WDR33: variants seen among roughly 807,000 people sequenced by gnomAD.
The protein encoded by WDR33 is pre-mRNA 3' end processing protein WDR33.
A neutral mutation model predicts 164.9 loss-of-function variants in WDR33; 47 were observed. That is an observed-to-expected ratio of 0.29 (90% CI 0.23 to 0.36). The LOEUF (loss-of-function observed/expected upper bound fraction) is 0.36. Among genes scored for constraint, WDR33 ranks in the 10% least tolerant of loss-of-function variants. The probability of loss-of-function intolerance (pLI) is 1.00; values close to 1 mark genes in which losing one functional copy is unlikely to be tolerated. For missense variants in WDR33, 1,137 were observed against 1,754.1 expected, an observed-to-expected ratio of 0.65 and a Z score of 6.28; for synonymous variants, 505 against 589.0, an observed-to-expected ratio of 0.86 and a Z score of 2.06.
At chr2:127,805,061 G>GTTTT (rs1363407602) in intron 1 of WDR33, among the ~76,000 whole-genome samples, 2 of 108,452 alleles carry the variant, frequency 1.8e-5, no homozygotes, top group African/African-American at 3.8e-5. Context: ...CACCTGTGAA[G>GTTTT]TTTTTTCTTT....
In WDR33 at chr2:127,702,098, G is replaced by C; in HGVS notation, c.*4225C>G. The C allele has an allele frequency of 1.1e-5, 13 of 1,217,226 alleles. No homozygotes were observed. Among genetic ancestry groups the C allele is most frequent in the Non-Finnish European group, 1.3e-5 (13 of 981,080 alleles). 75.4% of individuals were successfully genotyped at this position (1,217,226 alleles called of 1,614,324 possible). ...CCGCGCTGGTTGGGCTGCTGCCCTG[G>C]GGCGGCGGCACCGCGCTGCGCCTCG... On this transcript the variant is annotated 3_prime_UTR_variant, in exon 22 of 22. Coordinates refer to ENST00000322313, the MANE Select transcript of WDR33 (RefSeq NM_018383.5).
At position 127,710,714 on chromosome 2, in the gene WDR33, C is replaced by T. The variant is rs951169017; in HGVS notation, c.3309-858G>A. 1.3e-5 allele frequency among the ~76,000 whole-genome samples: 2 copies of T among 152,138 alleles called. No homozygotes were observed. The highest frequency in any genetic ancestry group is 2.4e-5 in the African/African-American group (1 of 41,414). ...CCTTCTGGCAGCGCTCACTGAGAGG[C>T]GGTGGCGCCACCCTGCAGGGCCCCT... is the stretch of plus-strand genomic sequence containing the variant. On this transcript the variant is annotated intron_variant, in intron 18 of 21. Coordinates refer to ENST00000322313, the MANE Select transcript of WDR33 (RefSeq NM_018383.5). The surrounding 1 kb of genome is among the most constrained non-coding windows in gnomAD (Gnocchi z 4.4).
chr2:127,707,791 C>T (rs1439005048), intron 21 of WDR33, among the ~76,000 whole-genome samples: 1 of 152,150 alleles, frequency 6.6e-6, no homozygotes, highest in Non-Finnish European at 1.5e-5. Context: ...ATGGCAAAAG[C>T]CCATCTCTCT....
chr2:127,735,762 A>G lies in WDR33; in HGVS notation c.725-8985T>C. The G allele has an allele frequency of 1.0e-6, 1 of 985,486 alleles. No homozygotes were observed. The allele number at this position is 985,486 out of a possible 1,614,324, so 61.0% of individuals were successfully genotyped here. Reference sequence around the variant, plus strand: ...AAGATTTTAAAAAATTAAGAAGCATAAGTAATCTGTGCTCTGGTCAAGGAA... The same window carrying G: ...AAGATTTTAAAAAATTAAGAAGCATGAGTAATCTGTGCTCTGGTCAAGGAA... On this transcript the variant is annotated intron_variant, in intron 7 of 21. Coordinates refer to ENST00000322313, the MANE Select transcript of WDR33 (RefSeq NM_018383.5). The surrounding 1 kb of genome is among the most constrained non-coding windows in gnomAD (Gnocchi z 4.3).
Position 127,763,290 on chromosome 2 carries a change from C to G in WDR33, c.627-131G>C, listed in dbSNP as rs951163111. 2.0e-6 allele frequency: 3 copies of G among 1,486,322 alleles called. No individual in the cohort carries two copies. Among genetic ancestry groups the G allele is most frequent in the Non-Finnish European group, 2.7e-6 (3 of 1,118,270 alleles). 92.1% of individuals were successfully genotyped at this position (1,486,322 alleles called of 1,614,324 possible). On this transcript the variant is annotated intron_variant, in intron 6 of 21. Transcript: ENST00000322313. The surrounding 1 kb of genome is among the most constrained non-coding windows in gnomAD (Gnocchi z 4.5). ...GAGAGGGAAGAATCCAGTGAAGAAG[C>G]CCTTAAAGTGAATGTCGTCAGCTAA...
chr2:127,750,694 AT>A (rs1687316857), intron 7 of WDR33, among the ~76,000 whole-genome samples: 2 of 59,574 alleles, frequency 3.4e-5, no homozygotes, highest in African/African-American at 1.8e-4. Flanking sequence ...ATATATATAT[AT>A]ATATATATAT....
Position 127,706,185 on chromosome 2 carries a change from G to A in WDR33, c.*138C>T. ...GTCTCTTCATCTTGAAGACCTCATT[G>A]AGGGTTCCTGGGATTCAGGTGCCCA... On this transcript the variant is annotated 3_prime_UTR_variant, in exon 22 of 22. Coordinates refer to ENST00000322313, the MANE Select transcript of WDR33 (RefSeq NM_018383.5). This position sits in a 1 kb window ranked among gnomAD's most constrained non-coding sequence, Gnocchi z 5.1. 1.3e-6 allele frequency: 1 copy of A among 757,774 alleles called. No homozygotes were observed. Among genetic ancestry groups the A allele is most frequent in the Non-Finnish European group, 2.0e-6 (1 of 510,694 alleles). 46.9% of individuals were successfully genotyped at this position (757,774 alleles called of 1,614,324 possible). A position where few individuals can be genotyped will look rare whatever the true frequency, so the allele number is the denominator to read the frequency against.
In WDR33 at chr2:127,701,982, G is replaced by T. The variant is rs1286274391; in HGVS notation, c.*4341C>A. ...CCGGCCCGCGCTGCTCTACATGGCAGCGCTGGGCGCCACGCTGTTCGCCGC... is the reference window on the plus strand; with the variant it reads ...CCGGCCCGCGCTGCTCTACATGGCATCGCTGGGCGCCACGCTGTTCGCCGC... On this transcript the variant is annotated 3_prime_UTR_variant, in exon 22 of 22. Transcript: ENST00000322313. 60 of 1,358,538 alleles carry T rather than the reference G, an allele frequency of 4.4e-5. No individual in the cohort carries two copies. The highest frequency in any genetic ancestry group is 5.6e-5 in the Non-Finnish European group (59 of 1,059,706). 84.2% of individuals were successfully genotyped at this position (1,358,538 alleles called of 1,614,324 possible).
chr2:127,730,234 A>G (rs1363572185), intron 7 of WDR33, among the ~76,000 whole-genome samples: 2 of 152,268 alleles, frequency 1.3e-5, no homozygotes, highest in African/African-American at 4.8e-5. Context: ...GGCAGCATAT[A>G]TCATTAAAAG....
intron 1 of WDR33, among the ~76,000 whole-genome samples, chr2:127,781,665 A>G (rs1203042345): frequency 6.6e-6 from 1 of 152,148 alleles, no homozygotes; most frequent in Non-Finnish European, 1.5e-5. Context: ...TTTCTACCTT[A>G]AAAGTTAACA....
intron 7 of WDR33, among the ~76,000 whole-genome samples, chr2:127,730,752 G>C (rs1316224530): frequency 2.0e-5 from 3 of 152,138 alleles, no homozygotes; most frequent in Admixed American, 1.3e-4. Context: ...TTACCAAAAT[G>C]CAGATACGGA....
Position 127,723,299 on chromosome 2 carries a change from A to G in WDR33, c.1245T>C (p.Tyr415=), listed in dbSNP as rs747508580. ...ACATTCCAGGTAAAAGGTTTAGATT[A>G]TATCGATCTCGCATTTTATCACCTG... ...NRPGDKMRDR[Y]NLNLLPGMSE... The change falls in exon 12 of 22, where the codon TAT becomes TAC. Residue 415 remains tyrosine (Y), a synonymous_variant. Transcript: ENST00000322313. This position sits in a 1 kb window ranked among gnomAD's most constrained non-coding sequence, Gnocchi z 5.9. 8 of 1,614,108 alleles carry G rather than the reference A, an allele frequency of 5.0e-6. No individual in the cohort carries two copies. Among genetic ancestry groups the G allele is most frequent in the South Asian group, 2.2e-5 (2 of 91,086 alleles).
At position 127,722,779 on chromosome 2, in the gene WDR33, CCACTTGAT is replaced by C; in HGVS notation, c.1379-57_1379-50del. On this transcript the variant is annotated intron_variant, in intron 13 of 21. Coordinates refer to ENST00000322313, the MANE Select transcript of WDR33 (RefSeq NM_018383.5). This position sits in a 1 kb window ranked among gnomAD's most constrained non-coding sequence, Gnocchi z 5.1. The stretch of plus-strand genomic sequence containing the variant: ...TTGCCTCTTAAATAAAAGAAATTGG[CCACTTGAT>C]CAATGAACACATTATTGGAAGAATA... 6.3e-7 allele frequency: 1 copy of C among 1,588,612 alleles called. No homozygotes were observed. Among genetic ancestry groups the C allele is most frequent in the Non-Finnish European group, 8.6e-7 (1 of 1,166,304 alleles).
rs1686571547 is a variant in WDR33 at position 127,726,291 on chromosome 2, A to G, written c.851+360T>C. ...TCTCGAAACAGATGTTGTGAGATGG[A>G]GAAGGCTGGGCCGTGTCTAGTAAGG... On this transcript the variant is annotated intron_variant, in intron 8 of 21. Transcript: ENST00000322313. This position sits in a 1 kb window ranked among gnomAD's most constrained non-coding sequence, Gnocchi z 4.8. 6.6e-6 allele frequency among the ~76,000 whole-genome samples: 1 copy of G among 152,216 alleles called. No individual in the cohort carries two copies. The highest frequency in any genetic ancestry group is 2.1e-4 in the South Asian group (1 of 4,830).
At position 127,741,923 on chromosome 2, in the gene WDR33, G is replaced by A. The variant is rs1687027736; in HGVS notation, c.725-15146C>T. Among the ~76,000 whole-genome samples, 2 of 152,174 alleles carry A rather than the reference G, an allele frequency of 1.3e-5. No homozygotes were observed. Among genetic ancestry groups the A allele is most frequent in the South Asian group, 4.1e-4 (2 of 4,828 alleles). On this transcript the variant is annotated intron_variant, in intron 7 of 21. Transcript: ENST00000322313. The surrounding 1 kb of genome is among the most constrained non-coding windows in gnomAD (Gnocchi z 4.1). ...TTGATAAAAATAACACTTTCCGGCTGGGCACGGTGGCTCACACCTGTAATC... is the reference window on the plus strand; with the variant it reads ...TTGATAAAAATAACACTTTCCGGCTAGGCACGGTGGCTCACACCTGTAATC...
In WDR33 at chr2:127,701,780, G is replaced by A; in HGVS notation, c.*4543C>T. The A allele has an allele frequency of 7.0e-7, 1 of 1,435,928 alleles. No homozygotes were observed. The highest frequency in any genetic ancestry group is 9.1e-7 in the Non-Finnish European group (1 of 1,095,436). 88.9% of individuals were successfully genotyped at this position (1,435,928 alleles called of 1,614,324 possible). On this transcript the variant is annotated 3_prime_UTR_variant, in exon 22 of 22. Coordinates refer to ENST00000322313, the MANE Select transcript of WDR33 (RefSeq NM_018383.5). The stretch of plus-strand genomic sequence containing the variant: ...GGCTGGCGGCGGGCGGCGGGTGCCT[G>A]CTGCTGGCTGCACTGTGTTTCGGCC...
At chr2:127,773,257 T>C (rs72846272) in intron 1 of WDR33, among the ~76,000 whole-genome samples, 2,163 of 152,332 alleles carry the variant, frequency 0.014, 25 homozygotes, top group Middle Eastern at 0.082. Flanking sequence ...CACCATTATT[T>C]GTCTGTATTC....
At chr2:127,805,147 G>A (rs1210870755) in intron 1 of WDR33, among the ~76,000 whole-genome samples, 3 of 138,454 alleles carry the variant, frequency 2.2e-5, no homozygotes, top group Middle Eastern at 4.5e-3. Context: ...GCAGGATGTC[G>A]GCTCACTGCA....
chr2:127,740,232 T>TA (rs1419027951), intron 7 of WDR33, among the ~76,000 whole-genome samples: 1 of 152,174 alleles, frequency 6.6e-6, no homozygotes, highest in Non-Finnish European at 1.5e-5. Flanking sequence ...TCTCTACTGT[T>TA]AAAGAATGTT....
Sources: allele counts gnomAD v4.1 joint callset (sites outside exome capture counted in the v4.1 genomes callset), GRCh38; gene constraint gnomAD v4.1.1; non-coding constraint Gnocchi (gnomAD v3.1); transcripts MANE v1.5; gene names NCBI Gene and HGNC (gene_info 2026-07-23, HGNC 2026-07-21).